Variants in UGGT2 observed in about 807,000 individuals in gnomAD.
UGGT2 encodes the protein UDP-glucose glycoprotein glucosyltransferase 2, also known as UDP-glucose:glycoprotein glucosyltransferase 2.
In UGGT2, 180 loss-of-function variants were observed where a neutral mutation model predicts 192.1. That is an observed-to-expected ratio of 0.94 (90% CI 0.83 to 1.06). The LOEUF (loss-of-function observed/expected upper bound fraction) is 1.06. Ranked by LOEUF, UGGT2 falls within the 50% of genes least tolerant of loss-of-function variation. The pLI, the probability that UGGT2 is intolerant of heterozygous loss-of-function variation, is 0.00. For missense variants in UGGT2, 1,849 were observed against 1,795.7 expected, an observed-to-expected ratio of 1.03 and a Z score of -0.54; for synonymous variants, 580 against 591.0, an observed-to-expected ratio of 0.98 and a Z score of 0.27.
intron 29 of UGGT2, among the ~76,000 whole-genome samples, chr13:95,870,275 A>T (rs923315549): frequency 1.3e-5 from 2 of 152,214 alleles, no homozygotes; most frequent in African/African-American, 4.8e-5. Flanking sequence ...ACACTGCAGT[A>T]GTTAGAAAGA....
intron 10 of UGGT2, chr13:95,983,475 A>C (rs2051192034): frequency 2.3e-6 from 1 of 426,796 alleles, no homozygotes; most frequent in Non-Finnish European, 4.6e-6. Context: ...TCTAACACTG[A>C]CTCAGTCTTC....
intron 6 of UGGT2, among the ~76,000 whole-genome samples, chr13:95,996,465 C>T (rs1468782527): frequency 6.6e-6 from 1 of 150,662 alleles, no homozygotes; most frequent in Non-Finnish European, 1.5e-5. Flanking sequence ...CACTGCACTC[C>T]AGCCTGGGTG....
intron 38 of UGGT2, among the ~76,000 whole-genome samples, chr13:95,806,628 C>G (rs1333094741): frequency 6.6e-6 from 1 of 152,110 alleles, no homozygotes; most frequent in Non-Finnish European, 1.5e-5. Flanking sequence ...ATTGGACTCA[C>G]TGATTTCAAA....
chr13:95,943,291 A>C (rs770995663), intron 15 of UGGT2, among the ~76,000 whole-genome samples: 3 of 152,096 alleles, frequency 2.0e-5, no homozygotes, highest in Admixed American at 1.3e-4. Flanking sequence ...GCAGAAAACA[A>C]TATAATTATG....
At chr13:96,046,852 C>A (rs939655814) in intron 1 of UGGT2, among the ~76,000 whole-genome samples, 1 of 152,196 alleles carries the variant, frequency 6.6e-6, no homozygotes, top group Non-Finnish European at 1.5e-5. Context: ...GTCCCATGTC[C>A]ACGGAGCCTC....
chr13:95,873,756 C>A (rs559954361), intron 29 of UGGT2, among the ~76,000 whole-genome samples: 1 of 152,194 alleles, frequency 6.6e-6, no homozygotes, highest in Non-Finnish European at 1.5e-5. Context: ...AGGGACTATC[C>A]CAGACCAGGT....
At chr13:95,802,011 T>C (rs1884081458) in intron 38 of UGGT2, among the ~76,000 whole-genome samples, 199 bp from the exon 39 acceptor site, 1 of 152,216 alleles carries the variant, frequency 6.6e-6, no homozygotes, top group African/African-American at 2.4e-5. Flanking sequence ...TCATAACTAC[T>C]GGTCTTTCTA....
chr13:95,936,673 G>T (rs921298192), intron 17 of UGGT2, among the ~76,000 whole-genome samples: 1 of 152,206 alleles, frequency 6.6e-6, no homozygotes, highest in Non-Finnish European at 1.5e-5. Context: ...ACTCCTAATC[G>T]AGGACAGTGG....
At chr13:96,048,843 G>A (rs1468325628) in intron 1 of UGGT2, among the ~76,000 whole-genome samples, 1 of 151,498 alleles carries the variant, frequency 6.6e-6, no homozygotes, top group African/African-American at 2.4e-5. Context: ...GGCAATAATA[G>A]CCTACCAAAC....
intron 15 of UGGT2, among the ~76,000 whole-genome samples, chr13:95,944,407 T>C (rs925847503): frequency 3.9e-5 from 6 of 152,048 alleles, no homozygotes; most frequent in African/African-American, 9.7e-5. Flanking sequence ...ACTCCTTCCA[T>C]TGAGAAGTGG....
chr13:95,989,966 A>ACTAT lies in UGGT2; in HGVS notation c.931+3_931+6dup, dbSNP rs746409280. On this transcript the variant is annotated splice_region_variant and intron_variant, in intron 8 of 38. Coordinates refer to ENST00000376747, the MANE Select transcript of UGGT2 (RefSeq NM_020121.4). ...ATGCTGTGTTAAAGTATCTCAAAAT[A>ACTAT]CTATACCTTGTAGTTCCCAGACTTT... The ACTAT allele has an allele frequency of 1.3e-6, 2 of 1,588,464 alleles. No homozygotes were observed.
intron 9 of UGGT2, chr13:95,985,205 AT>A: frequency 9.9e-7 from 1 of 1,014,084 alleles, no homozygotes; most frequent in East Asian, 6.0e-5. Context: ...TAATTAAAAT[AT>A]TATGGCTAAA....
intron 20 of UGGT2, among the ~76,000 whole-genome samples, chr13:95,922,849 C>G (rs1363619814): frequency 1.3e-5 from 2 of 151,878 alleles, no homozygotes; most frequent in East Asian, 1.9e-4. Flanking sequence ...TAAAACAAAA[C>G]AAAACAAAAA....
chr13:95,865,415 C>G (rs893490106), intron 30 of UGGT2, among the ~76,000 whole-genome samples: 1 of 152,138 alleles, frequency 6.6e-6, no homozygotes, highest in Non-Finnish European at 1.5e-5. Flanking sequence ...GAGGCCAAGG[C>G]GGGTGGATCA....
At position 95,950,795 on chromosome 13, in the gene UGGT2, T is replaced by C. The variant is rs540254623; in HGVS notation, c.1336-1341A>G. ...TATAATTAAGAACTCTAAGAACTTA[T>C]TGGGTGGGTTTAATTGCAGACTGTA... On this transcript the variant is annotated intron_variant, in intron 12 of 38. Transcript: ENST00000376747. 8.5e-5 allele frequency among the ~76,000 whole-genome samples: 13 copies of C among 152,190 alleles called. No homozygotes were observed. In the South Asian group the frequency reaches 2.5e-3, roughly 29 times the overall value.
chr13:96,004,196 T>C (rs2051898687), intron 5 of UGGT2, among the ~76,000 whole-genome samples: 1 of 151,992 alleles, frequency 6.6e-6, no homozygotes, highest in Non-Finnish European at 1.5e-5. Context: ...AAAAACATAT[T>C]TGTTTTTAAA....
At chr13:95,885,422 C>T (rs73558627) in intron 26 of UGGT2, among the ~76,000 whole-genome samples, 2,998 of 152,296 alleles carry the variant, frequency 0.02, 98 homozygotes, top group African/African-American at 0.069. Flanking sequence ...TGTCTGCAGA[C>T]TGCTTGCAGT....
At chr13:95,931,811 C>T (rs996891206) in intron 17 of UGGT2, among the ~76,000 whole-genome samples, 1 of 152,126 alleles carries the variant, frequency 6.6e-6, no homozygotes, top group Admixed American at 6.5e-5. Flanking sequence ...TTCCCGCCCG[C>T]GCCTCTCCCT....
At chr13:95,945,275 T>TAATTA (rs932290975) in intron 15 of UGGT2, among the ~76,000 whole-genome samples, 2 of 152,072 alleles carry the variant, frequency 1.3e-5, no homozygotes, top group African/African-American at 4.8e-5. Flanking sequence ...TGAGATAAGG[T>TAATTA]AATTAGCTCA....
Sources: allele counts gnomAD v4.1 joint callset (sites outside exome capture counted in the v4.1 genomes callset), GRCh38; gene constraint gnomAD v4.1.1; transcripts MANE v1.5; gene names NCBI Gene and HGNC (gene_info 2026-07-23, HGNC 2026-07-21).